The following NFKBIB variants were observed in gnomAD, a reference collection of about 807,000 sequenced individuals.
NFKBIB encodes NFKB inhibitor beta.
A neutral mutation model predicts 32.1 loss-of-function variants in NFKBIB; 16 were observed. That is an observed-to-expected ratio of 0.50 (90% CI 0.34 to 0.76). NFKBIB has a LOEUF of 0.76. Among genes scored for constraint, NFKBIB ranks in the 30% least tolerant of loss-of-function variants. NFKBIB has a pLI of 0.01. For missense variants in NFKBIB, 437 were observed against 514.9 expected, an observed-to-expected ratio of 0.85 and a Z score of 1.46; for synonymous variants, 222 against 219.5, an observed-to-expected ratio of 1.01 and a Z score of -0.10.
intron 5 of NFKBIB, 158 bp downstream of exon 5, chr19:38,907,817 G>A (rs751599469): frequency 4.8e-5 from 69 of 1,432,586 alleles, no homozygotes; most frequent in Non-Finnish European, 1.7e-5. Flanking sequence ...GAGAGACCTG[G>A]ACAGGGGTGG....
chr19:38,903,194 G>A (rs571682928), intron 1 of NFKBIB, among the ~76,000 whole-genome samples: 1 of 152,328 alleles, frequency 6.6e-6, no homozygotes, highest in East Asian at 1.9e-4. Flanking sequence ...GACTCCTGCT[G>A]TAGGGTTGAT....
At position 38,899,996 on chromosome 19, in the gene NFKBIB, C is replaced by T. The variant is rs1167487301; in HGVS notation, c.-37C>T. 1 of 1,440,540 alleles carries T rather than the reference C, an allele frequency of 6.9e-7. No homozygotes were observed. Among genetic ancestry groups the T allele is most frequent in the Non-Finnish European group, 9.1e-7 (1 of 1,099,998 alleles). 89.2% of individuals were successfully genotyped at this position (1,440,540 alleles called of 1,614,324 possible). A position where few individuals can be genotyped will look rare whatever the true frequency, so the allele number is the denominator to read the frequency against. ...ACTCCCGGCAAAGCCCAGCTACAGG[C>T]GGGCGACTGCGGGGGGCCCCTGAGG... On this transcript the variant is annotated 5_prime_UTR_variant, in exon 1 of 6. Coordinates refer to ENST00000313582, the MANE Select transcript of NFKBIB (RefSeq NM_002503.5).
At chr19:38,899,894 G>A (rs1359840791), upstream of NFKBIB, 2 of 888,112 alleles carry the variant, frequency 2.3e-6, no homozygotes, top group Admixed American at 2.9e-5. Context: ...AGGGCGGGGT[G>A]TGAGCGATTC....
At position 38,900,102 on chromosome 19, in the gene NFKBIB, C is replaced by T; in HGVS notation, c.70C>T (p.Leu24=). 2.6e-6 allele frequency: 4 copies of T among 1,568,230 alleles called. No homozygotes were observed. Among genetic ancestry groups the T allele is most frequent in the East Asian group, 2.3e-5 (1 of 43,092 alleles). Residue 24 remains leucine, a synonymous_variant, in exon 1 of 6, where the codon CTG becomes TTG. Transcript: ENST00000313582. ...ATGGTGCGACAGCGGCCTGGGCTCC[C>T]TGGGTCCGGACGCAGCGGCCCCCGG... ...DEWCDSGLGS[L]GPDAAAPGGP...
intron 5 of NFKBIB, chr19:38,908,176 G>A: frequency 2.0e-6 from 2 of 995,160 alleles, no homozygotes; most frequent in Non-Finnish European, 1.2e-6. Flanking sequence ...AGGGGTGGAG[G>A]AGGGCCAGCT....
rs1268194066 is a variant in NFKBIB, at chr19:38,908,782, C to G, written c.1021C>G (p.Pro341Ala). 1.9e-6 allele frequency: 3 copies of G among 1,613,722 alleles called. No homozygotes were observed. The highest frequency in any genetic ancestry group is 1.7e-6 in the Non-Finnish European group (2 of 1,179,892). Residue 341 changes from proline (P) to alanine (A), a missense_variant, in exon 6 of 6, where the codon CCT (proline) becomes GCT (alanine). Pro to Ala is a conservative substitution (Grantham distance 27). Coordinates refer to ENST00000313582, the MANE Select transcript of NFKBIB (RefSeq NM_002503.5). ...VHSSRSQTRL[P>A]PTPASKPLPD... is the part of the protein sequence containing the mutation. ...CAGCAGCCGCAGCCAAACCCGGCTG[C>G]CTCCCACCCCAGCCTCAAAACCTCT...
chr19:38,907,911 G>T, intron 5 of NFKBIB: 2 of 1,355,568 alleles, frequency 1.5e-6, no homozygotes, highest in Non-Finnish European at 1.9e-6. Flanking sequence ...AAAGGCGTTG[G>T]TCGCAGTGAT....
intron 1 of NFKBIB, among the ~76,000 whole-genome samples, 157 bp downstream of exon 1, chr19:38,900,368 A>C (rs1973909290): frequency 6.6e-6 from 1 of 152,192 alleles, no homozygotes; most frequent in South Asian, 2.1e-4. Context: ...ACTTTTAACA[A>C]AACCAATCTT....
chr19:38,904,960 G>A (rs936725691), intron 1 of NFKBIB, 55 bp from the exon 2 acceptor site: 2 of 1,542,648 alleles, frequency 1.3e-6, no homozygotes, highest in Non-Finnish European at 1.8e-6. Context: ...TTTGTTCAAT[G>A]AAGGAATGCA....
Position 38,907,217 on chromosome 19 carries a change from C to T in NFKBIB, c.620-4C>T. The T allele has an allele frequency of 6.2e-7, 1 of 1,609,570 alleles. No individual in the cohort carries two copies. Among genetic ancestry groups the T allele is most frequent in the Non-Finnish European group, 8.5e-7 (1 of 1,176,968 alleles). On this transcript the variant is annotated splice_polypyrimidine_tract_variant and splice_region_variant and intron_variant, in intron 3 of 5. Coordinates refer to ENST00000313582, the MANE Select transcript of NFKBIB (RefSeq NM_002503.5). ...TCATCTGACGCCAATCACTCTGTCCCCAGGCCACACCCCACTCCACGTGGC... is the reference window on the plus strand; with the variant it reads ...TCATCTGACGCCAATCACTCTGTCCTCAGGCCACACCCCACTCCACGTGGC...
At chr19:38,906,530 C>T (rs1282917108) in intron 3 of NFKBIB, among the ~76,000 whole-genome samples, 25 of 137,724 alleles carry the variant, frequency 1.8e-4, no homozygotes, top group African/African-American at 6.7e-4. Flanking sequence ...AGTGCAGTGG[C>T]GCCATCTCAG....
Position 38,905,386 on chromosome 19 carries a change from C to G in NFKBIB, c.470C>G (p.Ala157Gly), listed in dbSNP as rs1430103380. Residue 157 changes from alanine (A) to glycine (G), a missense_variant, in exon 3 of 6, where the codon GCC becomes GGC. By Grantham distance (60) the Ala-to-Gly change is moderately conservative (BLOSUM62 0). Coordinates refer to ENST00000313582, the MANE Select transcript of NFKBIB (RefSeq NM_002503.5). The surrounding 1 kb of genome is among the most constrained non-coding windows in gnomAD (Gnocchi z 5.5). Reference sequence around the variant, plus strand: ...CCCCGCCCCCGGCGCCCCAGGGAAGCCCCCGACACCTACCTCGCTCAGGGC... The same window carrying G: ...CCCCGCCCCCGGCGCCCCAGGGAAGGCCCCGACACCTACCTCGCTCAGGGC... ...LQPRPRRPRE[A>G]PDTYLAQGPD... The G allele has an allele frequency of 6.2e-7, 1 of 1,613,276 alleles. No individual in the cohort carries two copies.
Position 38,905,298 on chromosome 19 carries a change from C to T in NFKBIB, c.382C>T (p.His128Tyr). Residue 128 changes from histidine (H) to tyrosine (Y), a missense_variant, in exon 3 of 6, where the codon CAC becomes TAC. Coordinates refer to ENST00000313582, the MANE Select transcript of NFKBIB (RefSeq NM_002503.5). The surrounding 1 kb of genome is among the most constrained non-coding windows in gnomAD (Gnocchi z 5.5). ...AGLCVAERRG[H>Y]TALHLACRVG... The stretch of plus-strand genomic sequence containing the variant: ...GCTGTGTGTGGCGGAGCGTAGGGGC[C>T]ACACGGCGCTGCACCTGGCCTGCCG... 2.5e-6 allele frequency: 4 copies of T among 1,606,728 alleles called. No individual in the cohort carries two copies. Among genetic ancestry groups the T allele is most frequent in the Non-Finnish European group, 3.4e-6 (4 of 1,177,570 alleles).
chr19:38,907,935 G>A (rs1248861063), intron 5 of NFKBIB: 7 of 1,289,506 alleles, frequency 5.4e-6, no homozygotes, highest in Non-Finnish European at 5.9e-6. Flanking sequence ...TGAACACAGC[G>A]GGGGTGGGTG....
In NFKBIB at chr19:38,907,513, C is replaced by T. The variant is rs557322866; in HGVS notation, c.823C>T (p.Arg275Cys). ...CCCTGCTGCCCGCATGTACGGTGGC[C>T]GCACCCCACTCGGCAGTGCCATGCT... is the stretch of plus-strand genomic sequence containing the variant. ...ANPAARMYGG[R>C]TPLGSAMLRP... Residue 275 changes from arginine to cysteine, a missense_variant, in exon 5 of 6, where the codon CGC becomes TGC. Arg to Cys is a radical substitution (Grantham distance 180). Coordinates refer to ENST00000313582, the MANE Select transcript of NFKBIB (RefSeq NM_002503.5). 4.4e-5 allele frequency: 71 copies of T among 1,612,646 alleles called. 1 individual carries two copies. The Admixed American group carries it at 8.7e-4, about 20-fold the overall frequency.
intron 5 of NFKBIB, 99 bp downstream of exon 5, chr19:38,907,758 CTGT>C: frequency 6.9e-7 from 1 of 1,459,316 alleles, no homozygotes; most frequent in Admixed American, 2.6e-5. Context: ...CCTTGGGCTG[CTGT>C]TAGAGAACTC....
rs372554217 is a variant in NFKBIB at position 38,904,999 on chromosome 19, C to T, written c.180-16C>T. On this transcript the variant is annotated splice_polypyrimidine_tract_variant and intron_variant, in intron 1 of 5. Coordinates refer to ENST00000313582, the MANE Select transcript of NFKBIB (RefSeq NM_002503.5). ...GGACTTGAACTTTGCCCTCTCACCC[C>T]GGTCTTTGTCCCCAGGGCACTGCAC... is the stretch of plus-strand genomic sequence containing the variant. 9.5e-5 allele frequency: 153 copies of T among 1,612,196 alleles called. No homozygotes were observed. Among genetic ancestry groups the T allele is most frequent in the Middle Eastern group, 3.3e-4 (2 of 6,074 alleles).
chr19:38,907,579 G>A lies in NFKBIB; in HGVS notation c.889G>A (p.Gly297Arg), dbSNP rs200061585. 23 of 1,612,498 alleles carry A rather than the reference G, an allele frequency of 1.4e-5. No individual in the cohort carries two copies. The East Asian group carries it at 1.8e-4, about 12-fold the overall frequency. ...CCTCGCCCGCCTCCTCCGTGCACAC[G>A]GAGCCCCTGAGCCCGAGGGCGAGGA... is the stretch of plus-strand genomic sequence containing the variant. ...PILARLLRAH[G>R]APEPEGEDEK... Residue 297 changes from glycine (G) to arginine (R), a missense_variant, in exon 5 of 6, where the codon GGA (glycine) becomes AGA (arginine). Transcript: ENST00000313582.
chr19:38,900,741 C>G (rs1973926542), intron 1 of NFKBIB, among the ~76,000 whole-genome samples: 1 of 152,170 alleles, frequency 6.6e-6, no homozygotes, highest in African/African-American at 2.4e-5. Context: ...AATGTTAGCT[C>G]CATGAGACCA....
Sources: allele counts gnomAD v4.1 joint callset (sites outside exome capture counted in the v4.1 genomes callset), GRCh38; gene constraint gnomAD v4.1.1; non-coding constraint Gnocchi (gnomAD v3.1); transcripts MANE v1.5; gene names NCBI Gene and HGNC (gene_info 2026-07-23, HGNC 2026-07-21).